The following CTNNA3 variants were observed in gnomAD, a reference collection of about 807,000 sequenced individuals.
CTNNA3 encodes the protein catenin alpha-3.
CTNNA3 carries 76 observed loss-of-function variants against 95.7 expected under a neutral mutation model. The ratio of observed to expected loss-of-function variants is 0.79; its 90% CI spans 0.66 to 0.96. CTNNA3 has a LOEUF of 0.96. Ranked by LOEUF, CTNNA3 falls within the 40% of genes least tolerant of loss-of-function variation. The pLI is 0.00. For missense variants in CTNNA3, 1,191 were observed against 1,089.8 expected (o/e 1.09, Z -1.31); for synonymous variants, 431 against 374.4 (o/e 1.15, Z -1.74).
At chr10:66,335,764 C>A (rs1564877620) in intron 12 of CTNNA3, among the ~76,000 whole-genome samples, 1 of 152,130 alleles carries the variant, frequency 6.6e-6, no homozygotes, top group South Asian at 2.1e-4. Flanking sequence ...ACCTGTCAGA[C>A]AGGGACATTT....
chr10:67,404,573 T>C (rs184995370), intron 5 of CTNNA3, among the ~76,000 whole-genome samples: 17 of 152,206 alleles, frequency 1.1e-4, no homozygotes, highest in African/African-American at 3.9e-4. Context: ...AGACTGAATC[T>C]ATGACTGATT....
intron 10 of CTNNA3, among the ~76,000 whole-genome samples, chr10:66,603,069 A>G (rs1843989646): frequency 6.6e-6 from 1 of 152,114 alleles, no homozygotes; most frequent in Non-Finnish European, 1.5e-5. Flanking sequence ...TTTATCCAAC[A>G]TAGTACTGGA....
intron 7 of CTNNA3, among the ~76,000 whole-genome samples, chr10:67,047,645 T>C (rs1436470979): frequency 2.0e-5 from 3 of 152,060 alleles, no homozygotes; most frequent in Non-Finnish European, 2.9e-5. Context: ...GTTGCTACTA[T>C]ATATTTATGA....
At chr10:67,734,598 A>G (rs1841292335) in intron 1 of CTNNA3, among the ~76,000 whole-genome samples, 1 of 152,208 alleles carries the variant, frequency 6.6e-6, no homozygotes, top group Non-Finnish European at 1.5e-5. Flanking sequence ...TGAAAGAATG[A>G]TAAAAGTGTA....
chr10:66,585,529 T>C (rs1306247070), intron 10 of CTNNA3, among the ~76,000 whole-genome samples: 3 of 152,076 alleles, frequency 2.0e-5, no homozygotes, highest in East Asian at 1.9e-4. Flanking sequence ...TGTGTAGTCT[T>C]TCATAGAAGT....
Position 66,621,678 on chromosome 10 carries a change from C to A in CTNNA3, c.1374+14G>T. 6.8e-7 allele frequency: 1 copy of A among 1,478,264 alleles called. No individual in the cohort carries two copies. The highest frequency in any genetic ancestry group is 9.3e-7 in the Non-Finnish European group (1 of 1,070,770). The allele number at this position is 1,478,264 out of a possible 1,614,324, so 91.6% of individuals were successfully genotyped here. ...ATATAATTTTACACACAAAAAGTAA[C>A]TTAGTTGTCATACCTGTGGACACAA... On this transcript the variant is annotated intron_variant, in intron 10 of 17. Transcript: ENST00000433211.
At chr10:66,788,331 T>A (rs1269213416) in intron 7 of CTNNA3, among the ~76,000 whole-genome samples, 1 of 152,108 alleles carries the variant, frequency 6.6e-6, no homozygotes, top group African/African-American at 2.4e-5. Flanking sequence ...CAGGGTGCTA[T>A]ATATCAGTTC....
chr10:67,590,900 C>G (rs1842770878), intron 3 of CTNNA3, among the ~76,000 whole-genome samples: 1 of 152,022 alleles, frequency 6.6e-6, no homozygotes, highest in South Asian at 2.1e-4. Flanking sequence ...AAAATTTAAA[C>G]TAGTTAACTT....
chr10:66,677,974 T>C lies in CTNNA3; in HGVS notation c.1282-56190A>G, dbSNP rs2894018. ...TAAAACTTTCTATGTAAAAAACAGA[T>C]ATCCCTATGTCCATTCTGCCTCAAC... On this transcript the variant is annotated intron_variant, in intron 9 of 17. Coordinates refer to ENST00000433211, the MANE Select transcript of CTNNA3 (RefSeq NM_013266.4). 6.7e-3 allele frequency among the ~76,000 whole-genome samples: 1,021 copies of C among 152,244 alleles called. 7 individuals carry two copies. The highest frequency in any genetic ancestry group is 0.023 in the African/African-American group (964 of 41,528).
chr10:66,471,838 A>T (rs1470134995), intron 11 of CTNNA3, among the ~76,000 whole-genome samples: 1 of 151,910 alleles, frequency 6.6e-6, no homozygotes, highest in African/African-American at 2.4e-5. Context: ...TATACTCAAG[A>T]TTGCTTTCTA....
chr10:67,034,780 T>C (rs12098731), intron 7 of CTNNA3, among the ~76,000 whole-genome samples: 2,729 of 152,314 alleles, frequency 0.018, 79 homozygotes, highest in African/African-American at 0.061. Flanking sequence ...TAAATACTGT[T>C]TACAATTTGA....
chr10:67,633,426 C>T (rs1298133429), intron 2 of CTNNA3, among the ~76,000 whole-genome samples: 4 of 152,212 alleles, frequency 2.6e-5, no homozygotes, highest in African/African-American at 9.6e-5. Flanking sequence ...TTCCTCCTGA[C>T]CAAGTGAGCC....
chr10:67,492,126 G>A (rs1848669779), intron 5 of CTNNA3, among the ~76,000 whole-genome samples: 1 of 151,878 alleles, frequency 6.6e-6, no homozygotes, highest in Admixed American at 6.6e-5. Flanking sequence ...GAGGGTGTAG[G>A]GGAAAGAAAG....
chr10:67,210,117 C>G (rs1177902696), intron 6 of CTNNA3, among the ~76,000 whole-genome samples: 3 of 152,004 alleles, frequency 2.0e-5, no homozygotes, highest in African/African-American at 7.2e-5. Context: ...ACCATCCTGG[C>G]TAACATGGTA....
intron 8 of CTNNA3, among the ~76,000 whole-genome samples, chr10:66,769,482 A>G (rs960935127): frequency 1.7e-4 from 26 of 152,354 alleles, no homozygotes; most frequent in South Asian, 4.1e-4. Context: ...ACTACATTAT[A>G]GACTTTTGGT....
chr10:67,187,052 TTTGA>T (rs1340811693), intron 6 of CTNNA3, among the ~76,000 whole-genome samples: 1 of 152,176 alleles, frequency 6.6e-6, no homozygotes, highest in Non-Finnish European at 1.5e-5. Flanking sequence ...TTATAATTTA[TTTGA>T]TTAATAAATT....
At chr10:67,717,386 T>G (rs1010261358) in intron 1 of CTNNA3, among the ~76,000 whole-genome samples, 5 of 152,162 alleles carry the variant, frequency 3.3e-5, no homozygotes, top group Non-Finnish European at 7.4e-5. Flanking sequence ...TCACGAAGAC[T>G]TTGCTCATGC....
chr10:66,145,511 A>G (rs1473016075), intron 13 of CTNNA3, among the ~76,000 whole-genome samples: 3 of 152,214 alleles, frequency 2.0e-5, no homozygotes, highest in Non-Finnish European at 4.4e-5. Flanking sequence ...TATCATTTAT[A>G]GAGAAAGTGG....
At chr10:66,619,266 G>T (rs559839224) in intron 10 of CTNNA3, among the ~76,000 whole-genome samples, 3 of 151,446 alleles carry the variant, frequency 2.0e-5, no homozygotes, top group Non-Finnish European at 4.4e-5. Flanking sequence ...GCACACGTAT[G>T]TTTATTGCAG....
Sources: allele counts gnomAD v4.1 joint callset (sites outside exome capture counted in the v4.1 genomes callset), GRCh38; gene constraint gnomAD v4.1.1; transcripts MANE v1.5; gene names NCBI Gene and HGNC (gene_info 2026-07-23, HGNC 2026-07-21).